The following KCTD9 variants were observed in gnomAD, a reference collection of about 807,000 sequenced individuals.
The protein encoded by KCTD9 is potassium channel tetramerization domain containing 9, also known as BTB/POZ domain-containing protein KCTD9.
A neutral mutation model predicts 53.3 loss-of-function variants in KCTD9; 17 were observed. The observed-to-expected ratio is 0.32, with a 90% CI of 0.22 to 0.48. The LOEUF is 0.48. Ranked by LOEUF, KCTD9 falls within the 20% of genes least tolerant of loss-of-function variation. KCTD9 has a pLI of 0.99. For missense variants in KCTD9, 179 were observed against 465.5 expected, an observed-to-expected ratio of 0.38 and a Z score of 5.66; for synonymous variants, 128 against 162.7, an observed-to-expected ratio of 0.79 and a Z score of 1.62.
At chr8:25,443,105 A>C (rs1022277985) in intron 3 of KCTD9, among the ~76,000 whole-genome samples, 1 of 152,162 alleles carries the variant, frequency 6.6e-6, no homozygotes, top group Admixed American at 6.5e-5. Context: ...ATATCCTATA[A>C]CATACATTAT....
At chr8:25,448,204 G>C (rs1284972776) in intron 1 of KCTD9, among the ~76,000 whole-genome samples, 1 of 134,014 alleles carries the variant, frequency 7.5e-6, no homozygotes, top group Non-Finnish European at 1.6e-5. Flanking sequence ...AAAGCGAGAA[G>C]AGAAGAGACA....
chr8:25,443,114 A>G (rs528317323), intron 3 of KCTD9, among the ~76,000 whole-genome samples: 20 of 152,270 alleles, frequency 1.3e-4, no homozygotes, highest in African/African-American at 4.8e-4. Context: ...AACATACATT[A>G]TATACAAATT....
At chr8:25,432,766 A>T in intron 10 of KCTD9, 129 bp from the exon 11 acceptor site, 1 of 751,062 alleles carries the variant, frequency 1.3e-6, no homozygotes, top group Non-Finnish European at 2.2e-6. Context: ...TTGTCTCTCA[A>T]CGAACTTATA....
chr8:25,436,542 T>C, intron 6 of KCTD9, 57 bp from the exon 7 acceptor site: 2 of 1,025,894 alleles, frequency 1.9e-6, no homozygotes, highest in Non-Finnish European at 2.9e-6. Context: ...ATTACATTCA[T>C]TTTGAATTTA....
chr8:25,430,124 A>G, intron 11 of KCTD9, 151 bp from the exon 12 acceptor site: 2 of 625,956 alleles, frequency 3.2e-6, no homozygotes, highest in Non-Finnish European at 5.9e-6. Flanking sequence ...ACACCACCCT[A>G]AATTAAGATG....
At chr8:25,436,516 C>G (rs1028542771) in intron 6 of KCTD9, 31 bp from the exon 7 acceptor site, 1 of 1,317,570 alleles carries the variant, frequency 7.6e-7, no homozygotes, top group East Asian at 2.3e-5. Flanking sequence ...CTGAAACAAC[C>G]TAATTTAGTG....
At chr8:25,435,544 A>G (rs1251022209) in intron 8 of KCTD9, 32 bp from the exon 9 acceptor site, 1 of 1,568,198 alleles carries the variant, frequency 6.4e-7, no homozygotes, top group Non-Finnish European at 8.6e-7. Context: ...TGTCACCATA[A>G]CTAAATCGTC....
chr8:25,439,271 A>T lies in KCTD9; in HGVS notation c.499+8T>A. On this transcript the variant is annotated splice_region_variant and intron_variant, in intron 6 of 11. Transcript: ENST00000221200. ...ACATAATTATATTGAAAGTCTAAAT[A>T]AACTCACCCAATAAATTAATGCCAT... The T allele has an allele frequency of 1.3e-6, 2 of 1,578,704 alleles. No homozygotes were observed. The highest frequency in any genetic ancestry group is 1.7e-6 in the Non-Finnish European group (2 of 1,165,566).
intron 1 of KCTD9, chr8:25,450,355 G>T: frequency 1.0e-6 from 1 of 985,154 alleles, no homozygotes; most frequent in South Asian, 4.7e-5. Context: ...ACTAATAACC[G>T]CCATAGGTTC....
chr8:25,432,035 G>A (rs569104110), intron 11 of KCTD9, among the ~76,000 whole-genome samples: 1 of 152,318 alleles, frequency 6.6e-6, no homozygotes. Context: ...GGATAGTGCT[G>A]ATATAGACCT....
chr8:25,442,358 G>A (rs563449848), intron 3 of KCTD9, among the ~76,000 whole-genome samples: 4 of 152,110 alleles, frequency 2.6e-5, no homozygotes, highest in African/African-American at 9.6e-5. Context: ...AACACCTCAG[G>A]CCAGAATAAA....
chr8:25,458,051 C>A, intron 1 of KCTD9, 148 bp downstream of exon 1: 1 of 729,866 alleles, frequency 1.4e-6, no homozygotes, highest in Non-Finnish European at 2.2e-6. Context: ...GCCGCGGGGA[C>A]CCTGTGCTGT....
intron 3 of KCTD9, among the ~76,000 whole-genome samples, chr8:25,441,458 C>A (rs73220009): frequency 0.095 from 14,405 of 152,034 alleles, 705 homozygotes; most frequent in African/African-American, 0.11. Context: ...GAAATACCCA[C>A]AAAATAGATC....
intron 1 of KCTD9, chr8:25,450,319 A>G (rs747681040): frequency 1.4e-4 from 138 of 985,236 alleles, no homozygotes; most frequent in Non-Finnish European, 1.6e-4. Context: ...AAGCAGCACT[A>G]AAGAAGTACA....
At chr8:25,438,418 G>A (rs909347528) in intron 6 of KCTD9, among the ~76,000 whole-genome samples, 3 of 151,774 alleles carry the variant, frequency 2.0e-5, no homozygotes, top group Admixed American at 2.0e-4. Context: ...TAAGCCAGCA[G>A]TCCTCAGGCT....
chr8:25,430,269 C>T (rs1230678488), intron 11 of KCTD9, among the ~76,000 whole-genome samples: 1 of 152,148 alleles, frequency 6.6e-6, no homozygotes, highest in Non-Finnish European at 1.5e-5. Context: ...GTCCCCAACC[C>T]CTGGGCCACA....
In KCTD9 at chr8:25,429,735, A is replaced by C. The variant is rs1302426992; in HGVS notation, c.*122T>G. ...CACTCAAAACAAGCATAATCCTCTA[A>C]ATGTTTTTTTTTTAAATTTCCTTAC... On this transcript the variant is annotated 3_prime_UTR_variant, in exon 12 of 12. Transcript: ENST00000221200. The C allele has an allele frequency of 4.5e-6, 3 of 673,532 alleles. No homozygotes were observed. The highest frequency in any genetic ancestry group is 1.8e-5 in the South Asian group (1 of 56,628). The allele number at this position is 673,532 out of a possible 1,614,324, so 41.7% of individuals were successfully genotyped here. A position where few individuals can be genotyped will look rare whatever the true frequency, so the allele number is the denominator to read the frequency against.
At chr8:25,458,114 T>C in intron 1 of KCTD9, 85 bp downstream of exon 1, 1 of 1,340,472 alleles carries the variant, frequency 7.5e-7, no homozygotes, top group Non-Finnish European at 1.0e-6. Flanking sequence ...TCTACCCAAC[T>C]TCACCGCTGC....
At chr8:25,439,897 TGTC>T (rs1404221124) in intron 4 of KCTD9, 5 of 759,000 alleles carry the variant, frequency 6.6e-6, no homozygotes, top group Admixed American at 3.5e-5. Context: ...TTTAAATACT[TGTC>T]TGTCTATCCT....
Sources: allele counts gnomAD v4.1 joint callset (sites outside exome capture counted in the v4.1 genomes callset), GRCh38; gene constraint gnomAD v4.1.1; transcripts MANE v1.5; gene names NCBI Gene and HGNC (gene_info 2026-07-23, HGNC 2026-07-21).